The following RORA variants were observed in gnomAD, a reference collection of about 807,000 sequenced individuals.
RORA encodes the protein RAR related orphan receptor A.
RORA carries 7 observed loss-of-function variants against 69.5 expected under a neutral mutation model. That is an observed-to-expected ratio of 0.10 (90% CI 0.06 to 0.19). The LOEUF (loss-of-function observed/expected upper bound fraction) is 0.19, where lower values mean the gene tolerates loss of function less well. RORA is among the 10% of genes least tolerant of loss of function. The probability of loss-of-function intolerance (pLI) is 1.00; values close to 1 mark genes in which losing one functional copy is unlikely to be tolerated. For synonymous variants in RORA, 261 were observed against 240.8 expected (o/e 1.08, Z -0.78); for missense variants, 457 against 663.0 (o/e 0.69, Z 3.41).
intron 2 of RORA, among the ~76,000 whole-genome samples, chr15:60,599,695 T>C (rs2140551063): frequency 6.6e-6 from 1 of 152,338 alleles, no homozygotes; most frequent in South Asian, 2.1e-4. Context: ...ATGTAGGTTG[T>C]AGCTATTTCT....
intron 1 of RORA, among the ~76,000 whole-genome samples, chr15:61,083,278 C>A (rs2078572515): frequency 6.6e-6 from 1 of 152,166 alleles, no homozygotes; most frequent in South Asian, 2.1e-4. Context: ...CTAATAGTGA[C>A]CATGTTATTA....
At chr15:60,498,397 G>C (rs1179741953) in intron 10 of RORA, among the ~76,000 whole-genome samples, 1 of 152,136 alleles carries the variant, frequency 6.6e-6, no homozygotes, top group African/African-American at 2.4e-5. Flanking sequence ...TCCAGAACTG[G>C]CACTAGTCAA....
chr15:60,625,415 T>C (rs1003389214), intron 2 of RORA, among the ~76,000 whole-genome samples: 3 of 152,214 alleles, frequency 2.0e-5, no homozygotes, highest in Non-Finnish European at 4.4e-5. Context: ...TCCATTAATA[T>C]TACAAATGCA....
Position 60,913,570 on chromosome 15 carries a change from G to A in RORA, c.167-234884C>T, listed in dbSNP as rs62006824. ...CACCAAATGACTTACTTCATTCCAG[G>A]TCTTTCTGTTTCACTGTGAGTCAGG... On this transcript the variant is annotated intron_variant, in intron 1 of 10. Transcript: ENST00000335670. Among the ~76,000 whole-genome samples, 393 of 152,294 alleles carry A rather than the reference G, an allele frequency of 2.6e-3. 2 individuals are homozygous for A. Among genetic ancestry groups the A allele is most frequent in the Non-Finnish European group, 4.0e-3 (275 of 68,020 alleles).
intron 1 of RORA, among the ~76,000 whole-genome samples, chr15:60,947,922 T>C (rs1486434758): frequency 1.3e-5 from 2 of 152,070 alleles, no homozygotes; most frequent in African/African-American, 4.8e-5. Flanking sequence ...GCATCAGAAG[T>C]GGCATTAGTG....
intron 1 of RORA, among the ~76,000 whole-genome samples, chr15:60,878,203 G>T (rs1363245332): frequency 6.8e-6 from 1 of 147,132 alleles, no homozygotes; most frequent in Non-Finnish European, 1.5e-5. Context: ...AATTAGCCAG[G>T]CGTAGTGGCG....
chr15:60,928,956 C>CT (rs1374652956), intron 1 of RORA, among the ~76,000 whole-genome samples: 5 of 152,046 alleles, frequency 3.3e-5, no homozygotes, highest in East Asian at 1.9e-4. Context: ...TCTTCTTCTT[C>CT]TTTTTTTAAT....
At chr15:61,050,027 GACTCAAATCAATATATAGCC>G (rs1252962241) in intron 1 of RORA, among the ~76,000 whole-genome samples, 1 of 152,114 alleles carries the variant, frequency 6.6e-6, no homozygotes, top group Non-Finnish European at 1.5e-5. Flanking sequence ...GCAGTGAGAT[GACTCAAATCAATATATAGCC>G]AACACGTTTG....
intron 1 of RORA, among the ~76,000 whole-genome samples, chr15:61,098,100 C>T (rs1320761843): frequency 6.9e-6 from 1 of 144,938 alleles, no homozygotes; most frequent in Non-Finnish European, 1.5e-5. Context: ...CTCCTTCCTC[C>T]TTCCCTCCCT....
chr15:61,229,173 C>T lies in RORA; in HGVS notation c.46G>A (p.Gly16Ser). Residue 16 changes from glycine to serine, a missense_variant, in exon 1 of 11, where the codon GGC becomes AGC. Gly to Ser is a moderately conservative substitution (Grantham distance 56). Transcript: ENST00000335670. ...GCGGCCGCGTCCGCGCCGCTGCTGC[C>T]TGGCTCGCTGGCGGCGGGGTCGGGG... ...AAPDPAASEP[G>S]SSGADAAAGS... 4.5e-6 allele frequency: 7 copies of T among 1,553,886 alleles called. No homozygotes were observed. The highest frequency in any genetic ancestry group is 4.1e-5 in the African/African-American group (3 of 72,712).
chr15:61,179,369 C>G (rs2079661089), intron 1 of RORA, among the ~76,000 whole-genome samples: 2 of 152,066 alleles, frequency 1.3e-5, no homozygotes, highest in African/African-American at 4.8e-5. Flanking sequence ...TTCTATTAAG[C>G]CAGACATAAA....
chr15:61,124,649 T>G (rs1433089907), intron 1 of RORA, among the ~76,000 whole-genome samples: 9 of 151,688 alleles, frequency 5.9e-5, no homozygotes, highest in Non-Finnish European at 1.0e-4. Context: ...TTTCCCAGCA[T>G]AACTTTTCCT....
intron 1 of RORA, among the ~76,000 whole-genome samples, chr15:60,851,013 G>C (rs1198061817): frequency 6.6e-6 from 1 of 152,152 alleles, no homozygotes; most frequent in Non-Finnish European, 1.5e-5. Context: ...TCAGTCTGTT[G>C]CTGAGTGAGT....
chr15:60,748,326 CA>C (rs1419471169), intron 1 of RORA, among the ~76,000 whole-genome samples: 23 of 7,336 alleles, frequency 3.1e-3, no homozygotes, highest in Non-Finnish European at 6.4e-3. Flanking sequence ...AAAAAAAAAA[CA>C]CACACACATA....
chr15:60,490,427 T>G lies in RORA; in HGVS notation c.*7028A>C, dbSNP rs1411142307. 2 of 152,130 alleles carry G rather than the reference T, an allele frequency of 1.3e-5. No individual in the cohort carries two copies. Among genetic ancestry groups the G allele is most frequent in the South Asian group, 4.1e-4 (2 of 4,834 alleles). The allele number at this position is 152,130 out of a possible 1,614,324, so 9.4% of individuals were successfully genotyped here. On this transcript the variant is annotated 3_prime_UTR_variant, in exon 11 of 11. Coordinates refer to ENST00000335670, the MANE Select transcript of RORA (RefSeq NM_134261.3). The surrounding 1 kb of genome is among the most constrained non-coding windows in gnomAD (Gnocchi z 4.1). Reference sequence around the variant, plus strand: ...AAATATTTGCACTGAGTAGGCTGTTTATAATATAACATTTTCTTATCTATA... The same window carrying G: ...AAATATTTGCACTGAGTAGGCTGTTGATAATATAACATTTTCTTATCTATA...
chr15:61,157,536 C>T (rs1422143184), intron 1 of RORA, among the ~76,000 whole-genome samples: 3 of 152,144 alleles, frequency 2.0e-5, no homozygotes, highest in South Asian at 2.1e-4. Flanking sequence ...TCCTCACAGC[C>T]GTTTGTACCC....
At chr15:60,767,962 G>A (rs1017240257) in intron 1 of RORA, among the ~76,000 whole-genome samples, 5 of 152,180 alleles carry the variant, frequency 3.3e-5, no homozygotes, top group Admixed American at 3.3e-4. Flanking sequence ...ACACCACCAT[G>A]CCCAGCACAG....
intron 2 of RORA, among the ~76,000 whole-genome samples, chr15:60,663,718 G>A (rs1415277180): frequency 2.0e-5 from 3 of 152,190 alleles, no homozygotes; most frequent in Admixed American, 1.3e-4. Context: ...GCCTCCCAAA[G>A]TGCTGGGATT....
chr15:60,592,538 G>T (rs2068561040), intron 2 of RORA: 2 of 1,285,924 alleles, frequency 1.6e-6, no homozygotes, highest in Non-Finnish European at 2.0e-6. Context: ...CCCGCCCGCC[G>T]AGAGCCATCC....
Sources: allele counts gnomAD v4.1 joint callset (sites outside exome capture counted in the v4.1 genomes callset), GRCh38; gene constraint gnomAD v4.1.1; non-coding constraint Gnocchi (gnomAD v3.1); transcripts MANE v1.5; gene names NCBI Gene and HGNC (gene_info 2026-07-23, HGNC 2026-07-21).